MORC2: variants seen among roughly 807,000 people sequenced by gnomAD.
The protein encoded by MORC2 is MORC family CW-type zinc finger 2, also known as ATPase MORC2.
Under a neutral mutation model 136.0 loss-of-function variants are expected in MORC2, and 30 were observed. The observed-to-expected ratio is 0.22, with a 90% CI of 0.17 to 0.30. The LOEUF (loss-of-function observed/expected upper bound fraction) is 0.30. Among genes scored for constraint, MORC2 ranks in the 10% least tolerant of loss-of-function variants. The pLI is 1.00. For synonymous variants in MORC2, 439 were observed against 487.0 expected (o/e 0.90, Z 1.30); for missense variants, 922 against 1,333.1 (o/e 0.69, Z 4.80).
intron 1 of MORC2, among the ~76,000 whole-genome samples, chr22:30,963,784 G>C (rs532570604): frequency 1.8e-4 from 27 of 152,268 alleles, no homozygotes; most frequent in African/African-American, 6.3e-4. Context: ...GTTATGTAAG[G>C]AAAATGGTCT....
intron 2 of MORC2, among the ~76,000 whole-genome samples, chr22:30,957,464 C>T (rs979901311): frequency 6.6e-6 from 1 of 152,276 alleles, no homozygotes; most frequent in Admixed American, 6.5e-5. Context: ...AAAATGAAAC[C>T]GTTTCACTGG....
At chr22:30,958,887 C>T (rs1288314562) in intron 1 of MORC2, 193 bp from the exon 2 acceptor site, 1 of 533,962 alleles carries the variant, frequency 1.9e-6, no homozygotes, top group Non-Finnish European at 3.3e-6. Flanking sequence ...CAAGTCCTGC[C>T]ATCTATTCAG....
At chr22:30,943,975 T>A (rs1294899212) in intron 6 of MORC2, among the ~76,000 whole-genome samples, 1 of 152,070 alleles carries the variant, frequency 6.6e-6, no homozygotes, top group Non-Finnish European at 1.5e-5. Flanking sequence ...ACCATATTGG[T>A]CAGGATGGTC....
Position 30,932,863 on chromosome 22 carries a change from C to G in MORC2, c.2522+26G>C. 6.2e-7 allele frequency: 1 copy of G among 1,614,100 alleles called. No homozygotes were observed. The highest frequency in any genetic ancestry group is 8.5e-7 in the Non-Finnish European group (1 of 1,179,984). ...CGGGGATACCTCCTTCGAGGAACCA[C>G]TGCTCCTCCCTGATTGGGGCATTAC... On this transcript the variant is annotated intron_variant, in intron 22 of 25. Coordinates refer to ENST00000397641, the MANE Select transcript of MORC2 (RefSeq NM_001303256.3). The surrounding 1 kb of genome is among the most constrained non-coding windows in gnomAD (Gnocchi z 4.4).
At chr22:30,938,004 A>T (rs751811493) in intron 13 of MORC2, 35 bp from the exon 14 acceptor site, 1 of 1,613,672 alleles carries the variant, frequency 6.2e-7, no homozygotes. Flanking sequence ...CTGTCACCCC[A>T]CTGGCAACGC....
Position 30,926,550 on chromosome 22 carries a change from CAAAAAAAAAAA to C in MORC2, c.*242_*252del, listed in dbSNP as rs60514280. On this transcript the variant is annotated 3_prime_UTR_variant, in exon 26 of 26. Coordinates refer to ENST00000397641, the MANE Select transcript of MORC2 (RefSeq NM_001303256.3). ...AAGGTTCTCTGTCCTTTGCAGTCAC[CAAAAAAAAAAA>C]AAAAAAAAAAAAAAAAAAAAAAAAA... The C allele has an allele frequency of 1.5e-3, 38 of 25,762 alleles. No homozygotes were observed. Among genetic ancestry groups the C allele is most frequent in the Admixed American group, 3.2e-3 (4 of 1,250 alleles). 1.6% of individuals were successfully genotyped at this position (25,762 alleles called of 1,614,324 possible). A position where few individuals can be genotyped will look rare whatever the true frequency, so the allele number is the denominator to read the frequency against.
chr22:30,926,881 A>G lies in MORC2; in HGVS notation c.3031-10T>C, dbSNP rs2040492024. The G allele has an allele frequency of 3.7e-6, 6 of 1,612,484 alleles. No individual in the cohort carries two copies. Among genetic ancestry groups the G allele is most frequent in the Non-Finnish European group, 5.1e-6 (6 of 1,179,014 alleles). On this transcript the variant is annotated splice_polypyrimidine_tract_variant and intron_variant, in intron 25 of 25. Coordinates refer to ENST00000397641, the MANE Select transcript of MORC2 (RefSeq NM_001303256.3). ...TGTTGATGTCTATGTCCTGGAATAG[A>G]GCAGGGTAGGGATCAACTGGGGGCC... is the stretch of plus-strand genomic sequence containing the variant.
At chr22:30,944,623 G>A (rs1162277967) in intron 6 of MORC2, among the ~76,000 whole-genome samples, 1 of 152,004 alleles carries the variant, frequency 6.6e-6, no homozygotes, top group Non-Finnish European at 1.5e-5. Flanking sequence ...TGCATGTCCA[G>A]AAGAAACTTA....
intron 1 of MORC2, among the ~76,000 whole-genome samples, chr22:30,962,096 G>C (rs1250960517): frequency 2.0e-5 from 3 of 151,970 alleles, no homozygotes; most frequent in Non-Finnish European, 4.4e-5. Context: ...TACTTGAGAG[G>C]CTGAGGCAGG....
In MORC2 at chr22:30,928,216, A is replaced by C; in HGVS notation, c.2842-9T>G. 1 of 1,613,910 alleles carries C rather than the reference A, an allele frequency of 6.2e-7. No individual in the cohort carries two copies. The highest frequency in any genetic ancestry group is 8.5e-7 in the Non-Finnish European group (1 of 1,179,948). ...TGCTTGAAGTACTCCTTCTGTTGGG[A>C]GCAGAGCAAGAGGGAGAGTGTGTAA... On this transcript the variant is annotated splice_polypyrimidine_tract_variant and intron_variant, in intron 24 of 25. Coordinates refer to ENST00000397641, the MANE Select transcript of MORC2 (RefSeq NM_001303256.3).
In MORC2 at chr22:30,928,161, T is replaced by C. The variant is rs781162787; in HGVS notation, c.2888A>G (p.Asn963Ser). ...QYEVGLQNLCNSYQSRADSRA... is the reference protein window; with the variant it reads ...QYEVGLQNLCSSYQSRADSRA... Reference sequence around the variant, plus strand: ...GGAGTCAGCACGGCTCTGGTAGGAATTGCACAGGTTTTGGAGCCCTACTTC... The same window carrying C: ...GGAGTCAGCACGGCTCTGGTAGGAACTGCACAGGTTTTGGAGCCCTACTTC... The change falls in exon 25 of 26, where the codon AAT (asparagine) becomes AGT (serine). Residue 963 changes from asparagine (N) to serine (S), a missense_variant. By Grantham distance (46) the Asn-to-Ser change is conservative. This residue lies in a region of MORC2 where 263 missense variants were observed against 388.3 expected (regional missense o/e 0.68). Transcript: ENST00000397641. The C allele has an allele frequency of 2.1e-5, 34 of 1,613,952 alleles. No homozygotes were observed. The highest frequency in any genetic ancestry group is 1.6e-4 in the Middle Eastern group (1 of 6,084).
In MORC2 at chr22:30,959,894, C is replaced by T. The variant is rs1016898049; in HGVS notation, c.69-1200G>A. Among the ~76,000 whole-genome samples the T allele has an allele frequency of 2.6e-5, 4 of 152,324 alleles. No individual in the cohort carries two copies. In the East Asian group the frequency reaches 7.7e-4, roughly 29 times the overall value. ...TGTAAAACATTTATTAAATAAATAT[C>T]CATAACTAAACTCTCCAGGAATATT... On this transcript the variant is annotated intron_variant, in intron 1 of 25. Coordinates refer to ENST00000397641, the MANE Select transcript of MORC2 (RefSeq NM_001303256.3).
chr22:30,938,342 G>T, intron 12 of MORC2, 137 bp from the exon 13 acceptor site: 1 of 970,264 alleles, frequency 1.0e-6, no homozygotes, highest in Non-Finnish European at 1.5e-6. Context: ...TGTGTAACCT[G>T]TTAGACTTGA....
intron 10 of MORC2, 23 bp from the exon 11 acceptor site, chr22:30,940,064 G>GT: frequency 6.2e-7 from 1 of 1,610,468 alleles, no homozygotes; most frequent in Non-Finnish European, 8.5e-7. Context: ...AGAGAACATG[G>GT]TAAGAAATGC....
intron 3 of MORC2, among the ~76,000 whole-genome samples, chr22:30,953,951 A>G (rs1414784647): frequency 1.3e-5 from 2 of 152,204 alleles, no homozygotes; most frequent in Non-Finnish European, 2.9e-5. Context: ...AATCAGTTTC[A>G]GAAGTGGAGA....
Position 30,940,775 on chromosome 22 carries a change from T to C in MORC2, c.887A>G (p.Glu296Gly). The change falls in exon 10 of 26, where the codon GAG becomes GGG. Residue 296 changes from glutamate (E) to glycine (G), a missense_variant. Physicochemically the swap from Glu to Gly is moderately conservative, Grantham distance 98. Around this residue, in one of 9 missense-constraint regions of MORC2, gnomAD observed 261 missense variants for 354.3 expected, o/e 0.74. Coordinates refer to ENST00000397641, the MANE Select transcript of MORC2 (RefSeq NM_001303256.3). Reference protein sequence around the residue: ...TRAEQEVKKAEHVARIAEEKA... With the variant: ...TRAEQEVKKAGHVARIAEEKA... Reference sequence around the variant, plus strand: ...GGCATTACCAATCCTTGCTACGTGCTCTGCTTTCTTCACCTCCTGCTCCGC... The same window carrying C: ...GGCATTACCAATCCTTGCTACGTGCCCTGCTTTCTTCACCTCCTGCTCCGC... 1 of 1,614,114 alleles carries C rather than the reference T, an allele frequency of 6.2e-7. No individual in the cohort carries two copies. The highest frequency in any genetic ancestry group is 8.5e-7 in the Non-Finnish European group (1 of 1,179,984).
chr22:30,935,494 C>T (rs577357829), intron 17 of MORC2, among the ~76,000 whole-genome samples, 172 bp from the exon 18 acceptor site: 1 of 152,342 alleles, frequency 6.6e-6, no homozygotes, highest in East Asian at 1.9e-4. Context: ...AAATACTCAA[C>T]TATCAGCAAA....
chr22:30,937,153 AC>A lies in MORC2; in HGVS notation c.1499-117del, dbSNP rs942384802. On this transcript the variant is annotated intron_variant, in intron 15 of 25. Coordinates refer to ENST00000397641, the MANE Select transcript of MORC2 (RefSeq NM_001303256.3). This position sits in a 1 kb window ranked among gnomAD's most constrained non-coding sequence, Gnocchi z 4.7. The stretch of plus-strand genomic sequence containing the variant: ...CCAGACTTTGTAGGCAAAGATCTTC[AC>A]TCGGGCTCCAACTCTGCCTATCCTT... The A allele has an allele frequency of 1.4e-5, 10 of 728,454 alleles. No individual in the cohort carries two copies. The highest frequency in any genetic ancestry group is 2.4e-5 in the Non-Finnish European group (10 of 413,748). 45.1% of individuals were successfully genotyped at this position (728,454 alleles called of 1,614,324 possible).
intron 3 of MORC2, among the ~76,000 whole-genome samples, chr22:30,950,917 T>A (rs879365930): frequency 2.0e-5 from 3 of 152,216 alleles, no homozygotes; most frequent in Non-Finnish European, 4.4e-5. Flanking sequence ...TTCAAAGTGA[T>A]GAAACCAGAC....
Sources: gnomAD v4.1 joint callset for allele counts (sites outside exome capture counted in the v4.1 genomes callset) on GRCh38, gnomAD v4.1.1 for gene constraint, gnomAD v4.1.1 regional missense constraint, Gnocchi (gnomAD v3.1) non-coding constraint, MANE v1.5 for transcripts, NCBI Gene and HGNC (gene_info 2026-07-23, HGNC 2026-07-21) for gene names.